Variants in TEAD1 observed in about 807,000 individuals in gnomAD.
The protein encoded by TEAD1 is transcriptional enhancer factor TEF-1.
TEAD1 carries 9 observed loss-of-function variants against 54.9 expected under a neutral mutation model. The observed-to-expected ratio is 0.16, with a 90% CI of 0.10 to 0.29. TEAD1 has a LOEUF of 0.29. Among genes scored for constraint, TEAD1 ranks in the 10% least tolerant of loss-of-function variants. TEAD1 has a pLI of 1.00. For synonymous variants in TEAD1, 200 were observed against 187.8 expected (o/e 1.07, Z -0.53); for missense variants, 387 against 535.9 (o/e 0.72, Z 2.74).
At chr11:12,829,717 T>C (rs1413794443) in intron 3 of TEAD1, among the ~76,000 whole-genome samples, 1 of 152,178 alleles carries the variant, frequency 6.6e-6, no homozygotes, top group East Asian at 1.9e-4. Flanking sequence ...TTGTAGAGAG[T>C]AGGCCCAGTG....
At chr11:12,841,966 A>G (rs547835574) in intron 3 of TEAD1, among the ~76,000 whole-genome samples, 15 of 152,246 alleles carry the variant, frequency 9.9e-5, no homozygotes, top group Non-Finnish European at 2.1e-4. Flanking sequence ...ATAAACCTCA[A>G]GGTTACATAT....
chr11:12,760,049 T>A (rs926141518), intron 2 of TEAD1, among the ~76,000 whole-genome samples: 1 of 152,266 alleles, frequency 6.6e-6, no homozygotes, highest in African/African-American at 2.4e-5. Context: ...TTACATTTTC[T>A]ATGCAGTCAT....
chr11:12,938,965 C>T lies in TEAD1; in HGVS notation c.*1743C>T, dbSNP rs1457940773. 1 of 152,240 alleles carries T rather than the reference C, an allele frequency of 6.6e-6. No individual in the cohort carries two copies. Among genetic ancestry groups the T allele is most frequent in the Non-Finnish European group, 1.5e-5 (1 of 68,048 alleles). 9.4% of individuals were successfully genotyped at this position (152,240 alleles called of 1,614,324 possible). A position where few individuals can be genotyped will look rare whatever the true frequency, so the allele number is the denominator to read the frequency against. ...CTACCACATCCAATTAACTTACACA[C>T]CCCCTTCCCTGTCTCAACACCTGCT... On this transcript the variant is annotated 3_prime_UTR_variant, in exon 13 of 13. Transcript: ENST00000527636.
At chr11:12,902,258 TCA>T in intron 10 of TEAD1, 145 bp downstream of exon 10, 6 of 1,145,288 alleles carry the variant, frequency 5.2e-6, no homozygotes, top group Non-Finnish European at 7.9e-6. Context: ...GAGCACGGAC[TCA>T]CACCTGTGAA....
At chr11:12,843,341 CTA>C (rs1201267083) in intron 3 of TEAD1, among the ~76,000 whole-genome samples, 2 of 152,250 alleles carry the variant, frequency 1.3e-5, no homozygotes, top group Non-Finnish European at 2.9e-5. Context: ...AAGTAGCACT[CTA>C]TTCAAAGTAG....
At position 12,857,578 on chromosome 11, in the gene TEAD1, C is replaced by G. The variant is rs74839899; in HGVS notation, c.203-4672C>G. Among the ~76,000 whole-genome samples, 40 of 145,848 alleles carry G rather than the reference C, an allele frequency of 2.7e-4. 1 individual carries two copies. In the East Asian group the frequency reaches 2.8e-3, roughly 10 times the overall value. Reference sequence around the variant, plus strand: ...ATCAAGCATCTCTCTCTCTCTGTCTCTGTGTGTGTGTGTGTGTGTGTGTGT... The same window carrying G: ...ATCAAGCATCTCTCTCTCTCTGTCTGTGTGTGTGTGTGTGTGTGTGTGTGT... On this transcript the variant is annotated intron_variant, in intron 3 of 12. Transcript: ENST00000527636.
intron 3 of TEAD1, among the ~76,000 whole-genome samples, chr11:12,809,974 C>CTTTTTTTTTTTTTTTTTTTTTTTTTTTT (rs55647097): frequency 8.6e-6 from 1 of 115,664 alleles, no homozygotes. Context: ...TTTCCCCATT[C>CTTTTTTTTTTTTTTTTTTTTTTTTTTTT]TTTTTTTTTT....
chr11:12,820,908 C>A (rs1194334782), intron 3 of TEAD1, among the ~76,000 whole-genome samples: 2 of 152,210 alleles, frequency 1.3e-5, no homozygotes, highest in African/African-American at 4.8e-5. Flanking sequence ...GCATATTGTA[C>A]ATCCCAGTCT....
chr11:12,677,080 C>T (rs1943110393), intron 2 of TEAD1, among the ~76,000 whole-genome samples: 1 of 151,992 alleles, frequency 6.6e-6, no homozygotes, highest in African/African-American at 2.4e-5. Context: ...CTGTAAATTC[C>T]TCCTCTGTGT....
At chr11:12,820,370 G>C (rs941488678) in intron 3 of TEAD1, among the ~76,000 whole-genome samples, 1 of 116,428 alleles carries the variant, frequency 8.6e-6, no homozygotes, top group Non-Finnish European at 1.6e-5. Context: ...CACAGTTTTA[G>C]TCTCTAATAG....
intron 3 of TEAD1, among the ~76,000 whole-genome samples, chr11:12,859,982 C>T (rs895361634): frequency 1.3e-5 from 2 of 152,160 alleles, no homozygotes; most frequent in African/African-American, 2.4e-5. Flanking sequence ...TAAACTGACT[C>T]TGATGCTATA....
Position 12,852,668 on chromosome 11 carries a change from A to G in TEAD1, c.203-9582A>G, listed in dbSNP as rs190169914. ...TCACCATGTTGGCCAGGCTGGTCTC[A>G]AACTCCTGACCTCAAGTGACCCACC... On this transcript the variant is annotated intron_variant, in intron 3 of 12. Transcript: ENST00000527636. Among the ~76,000 whole-genome samples, 1,490 of 152,028 alleles carry G rather than the reference A, an allele frequency of 9.8e-3. 27 individuals carry two copies. Among genetic ancestry groups the G allele is most frequent in the African/African-American group, 0.034 (1,418 of 41,474 alleles).
intron 2 of TEAD1, among the ~76,000 whole-genome samples, chr11:12,737,119 GT>G (rs955856004): frequency 1.3e-5 from 2 of 152,084 alleles, no homozygotes; most frequent in African/African-American, 4.8e-5. Context: ...AAAACGTCAT[GT>G]TTCAACTCTC....
intron 2 of TEAD1, among the ~76,000 whole-genome samples, chr11:12,694,943 G>C (rs1943548454): frequency 6.6e-6 from 1 of 152,210 alleles, no homozygotes; most frequent in Non-Finnish European, 1.5e-5. Context: ...GTTAGATATT[G>C]ATGCTACCTT....
intron 3 of TEAD1, among the ~76,000 whole-genome samples, chr11:12,819,039 A>G (rs899265601): frequency 3.9e-5 from 6 of 152,212 alleles, no homozygotes; most frequent in African/African-American, 1.2e-4. Flanking sequence ...TGGGAGATCT[A>G]TAGGAATTTG....
intron 4 of TEAD1, among the ~76,000 whole-genome samples, chr11:12,864,286 A>G (rs1293271285): frequency 6.6e-6 from 1 of 152,148 alleles, no homozygotes; most frequent in Non-Finnish European, 1.5e-5. Context: ...CCCTCCTGAT[A>G]CTGAGAAGCT....
At chr11:12,734,404 T>C (rs1835225771) in intron 2 of TEAD1, among the ~76,000 whole-genome samples, 1 of 152,222 alleles carries the variant, frequency 6.6e-6, no homozygotes, top group Admixed American at 6.5e-5. Context: ...GCTAAGGTTA[T>C]TTTATAATTG....
At chr11:12,916,463 T>A (rs1027116037) in intron 10 of TEAD1, among the ~76,000 whole-genome samples, 10 of 152,214 alleles carry the variant, frequency 6.6e-5, no homozygotes, top group Non-Finnish European at 1.3e-4. Context: ...ATCTCTATTG[T>A]GGTCAATATT....
At chr11:12,713,642 G>A (rs1019853930) in intron 2 of TEAD1, among the ~76,000 whole-genome samples, 23 of 152,168 alleles carry the variant, frequency 1.5e-4, no homozygotes, top group African/African-American at 5.1e-4. Flanking sequence ...TCTAGCTGGA[G>A]GGTACAACCC....
Sources: allele counts gnomAD v4.1 joint callset (sites outside exome capture counted in the v4.1 genomes callset), GRCh38; gene constraint gnomAD v4.1.1; transcripts MANE v1.5; gene names NCBI Gene and HGNC (gene_info 2026-07-23, HGNC 2026-07-21).